AGBL1: variants seen among roughly 807,000 people sequenced by gnomAD.
The protein encoded by AGBL1 is cytosolic carboxypeptidase 4.
A neutral mutation model predicts 118.9 loss-of-function variants in AGBL1; 130 were observed. The observed-to-expected ratio is 1.09, with a 90% confidence interval of 0.95 to 1.26. The LOEUF (loss-of-function observed/expected upper bound fraction) is 1.26, where lower values mean the gene tolerates loss of function less well. Ranked by LOEUF, AGBL1 falls within the 50% of genes most tolerant of loss-of-function variation. The pLI is 0.00. For missense variants in AGBL1, 1,584 were observed against 1,298.1 expected, an observed-to-expected ratio of 1.22 and a Z score of -3.38; for synonymous variants, 555 against 478.9, an observed-to-expected ratio of 1.16 and a Z score of -2.08.
At chr15:86,651,709 G>A (rs2085373881) in intron 21 of AGBL1, among the ~76,000 whole-genome samples, 2 of 152,064 alleles carry the variant, frequency 1.3e-5, no homozygotes, top group Admixed American at 1.3e-4. Flanking sequence ...TCCATAGATT[G>A]CTAATAAGTT....
chr15:86,731,452 T>C (rs1017260494), intron 22 of AGBL1, among the ~76,000 whole-genome samples: 1 of 152,188 alleles, frequency 6.6e-6, no homozygotes, highest in African/African-American at 2.4e-5. Flanking sequence ...GCTTTTTATA[T>C]TGTCACCAAC....
At chr15:86,345,091 C>A (rs2080515868) in intron 17 of AGBL1, among the ~76,000 whole-genome samples, 1 of 152,100 alleles carries the variant, frequency 6.6e-6, no homozygotes, top group South Asian at 2.1e-4. Flanking sequence ...ACAAAGAAGA[C>A]AATAAACAAA....
chr15:86,819,689 A>G (rs1030406115), intron 22 of AGBL1, among the ~76,000 whole-genome samples: 1 of 152,138 alleles, frequency 6.6e-6, no homozygotes, highest in African/African-American at 2.4e-5. Context: ...GAGAGGCAGA[A>G]TCTACATTAT....
intron 23 of AGBL1, chr15:86,946,056 A>G (rs1019333606): frequency 6.6e-6 from 1 of 152,236 alleles, no homozygotes. Context: ...CCGAAGTCAA[A>G]CAGATATTTT....
In AGBL1 at chr15:86,909,475, T is replaced by G. The variant is rs796772702; in HGVS notation, c.*2181T>G. On this transcript the variant is annotated 3_prime_UTR_variant, in exon 23 of 23. Transcript: ENST00000614907. ...GGCATCTGTGTTGTGATTTTGGGAGTTGATAACATTATTAATAGTCTCTTA... is the reference window on the plus strand; with the variant it reads ...GGCATCTGTGTTGTGATTTTGGGAGGTGATAACATTATTAATAGTCTCTTA... 2 of 152,290 alleles carry G rather than the reference T, an allele frequency of 1.3e-5. No individual in the cohort carries two copies. Among genetic ancestry groups the G allele is most frequent in the East Asian group, 3.9e-4 (2 of 5,188 alleles). 9.4% of individuals were successfully genotyped at this position (152,290 alleles called of 1,614,324 possible).
chr15:86,153,038 T>C (rs917854142), intron 3 of AGBL1, among the ~76,000 whole-genome samples: 5 of 152,062 alleles, frequency 3.3e-5, no homozygotes, highest in Non-Finnish European at 5.9e-5. Flanking sequence ...TGTGGAGAAA[T>C]AGGAATGCTT....
intron 24 of AGBL1, among the ~76,000 whole-genome samples, chr15:86,992,073 T>C (rs1214585376): frequency 6.6e-6 from 1 of 152,114 alleles, no homozygotes; most frequent in Non-Finnish European, 1.5e-5. Context: ...GGCATCTGCT[T>C]GGCTTCTGGT....
intron 22 of AGBL1, among the ~76,000 whole-genome samples, chr15:86,764,519 G>C (rs2078069131): frequency 1.3e-5 from 2 of 151,970 alleles, no homozygotes; most frequent in Non-Finnish European, 2.9e-5. Flanking sequence ...ATTAACATAG[G>C]TTATATCTAT....
At chr15:86,473,429 A>G (rs899019751) in intron 18 of AGBL1, among the ~76,000 whole-genome samples, 1 of 152,360 alleles carries the variant, frequency 6.6e-6, no homozygotes, top group African/African-American at 2.4e-5. Context: ...GTAAAAAAGA[A>G]AAGCACAAAG....
chr15:86,546,469 TTA>T (rs2083584324), intron 20 of AGBL1, among the ~76,000 whole-genome samples: 1 of 152,156 alleles, frequency 6.6e-6, no homozygotes, highest in Non-Finnish European at 1.5e-5. Flanking sequence ...TATGAGGTCA[TTA>T]ACATTACCTC....
At chr15:86,264,882 G>C in intron 11 of AGBL1, 44 bp downstream of exon 11, 1 of 1,470,120 alleles carries the variant, frequency 6.8e-7, no homozygotes, top group Non-Finnish European at 9.2e-7. Flanking sequence ...TCTGTTCTTT[G>C]ATAATTTTAT....
At chr15:86,187,748 C>T (rs561282065) in intron 5 of AGBL1, among the ~76,000 whole-genome samples, 1 of 152,294 alleles carries the variant, frequency 6.6e-6, no homozygotes, top group East Asian at 1.9e-4. Flanking sequence ...CTATGACTTT[C>T]ACTGCTCAAC....
At chr15:87,024,478 G>A (rs1596753439) in intron 24 of AGBL1, among the ~76,000 whole-genome samples, 1 of 151,834 alleles carries the variant, frequency 6.6e-6, no homozygotes, top group South Asian at 2.1e-4. Context: ...AGATTGAAAT[G>A]GTAACGTAAA....
chr15:86,642,963 G>A (rs1390455880), intron 21 of AGBL1, among the ~76,000 whole-genome samples: 4 of 152,138 alleles, frequency 2.6e-5, no homozygotes, highest in Non-Finnish European at 5.9e-5. Flanking sequence ...AATAGGTAGA[G>A]CGAGTTTGGG....
chr15:86,907,902 C>G lies in AGBL1; in HGVS notation c.*608C>G. 1 of 152,084 alleles carries G rather than the reference C, an allele frequency of 6.6e-6. No homozygotes were observed. The highest frequency in any genetic ancestry group is 1.9e-4 in the East Asian group (1 of 5,196). The allele number at this position is 152,084 out of a possible 1,614,324, so 9.4% of individuals were successfully genotyped here. On this transcript the variant is annotated 3_prime_UTR_variant, in exon 23 of 23. Coordinates refer to ENST00000614907, the MANE Select transcript of AGBL1 (RefSeq NM_001386094.1). The stretch of plus-strand genomic sequence containing the variant: ...ATATATTTTACATATGTGGTACAGG[C>G]CAGAAGCTGCACTAGACTCTTAGAA...
rs544536935 is a variant in AGBL1 at position 86,352,594 on chromosome 15, G to T, written c.2375-44772G>T. On this transcript the variant is annotated intron_variant, in intron 17 of 22. Coordinates refer to ENST00000614907, the MANE Select transcript of AGBL1 (RefSeq NM_001386094.1). The stretch of plus-strand genomic sequence containing the variant: ...CCTCCCGGGTTAAAGCAATTCTCCT[G>T]CTGCAGTCTCCCGAGGGGCTGGGAT... Among the ~76,000 whole-genome samples, 76 of 151,900 alleles carry T rather than the reference G, an allele frequency of 5.0e-4. No individual in the cohort carries two copies. In the South Asian group the frequency reaches 0.015, roughly 29 times the overall value.
At chr15:86,391,422 A>T (rs555719448) in intron 17 of AGBL1, among the ~76,000 whole-genome samples, 1 of 149,636 alleles carries the variant, frequency 6.7e-6, no homozygotes, top group South Asian at 2.1e-4. Flanking sequence ...TTCCTTTTCC[A>T]CTCCTGTTTC....
Position 86,674,354 on chromosome 15 carries a change from G to T in AGBL1, c.3076G>T (p.Ala1026Ser). The change falls in exon 22 of 23, where the codon GCC becomes TCC. Residue 1026 changes from alanine to serine, a missense_variant. Physicochemically the swap from Ala to Ser is moderately conservative, Grantham distance 99. Coordinates refer to ENST00000614907, the MANE Select transcript of AGBL1 (RefSeq NM_001386094.1). ...CCTCCTCATCCTGGAGCTCAAATCTGCCAGCTGCAGCCATCAGCTCCTGGC... is the reference window on the plus strand; with the variant it reads ...CCTCCTCATCCTGGAGCTCAAATCTTCCAGCTGCAGCCATCAGCTCCTGGC... ...LGLLILELKS[A>S]SCSHQLLAQA... 1 of 1,612,584 alleles carries T rather than the reference G, an allele frequency of 6.2e-7. No individual in the cohort carries two copies. Among genetic ancestry groups the T allele is most frequent in the Non-Finnish European group, 8.5e-7 (1 of 1,179,368 alleles).
At chr15:86,539,261 G>A (rs893750913) in intron 19 of AGBL1, among the ~76,000 whole-genome samples, 4 of 152,166 alleles carry the variant, frequency 2.6e-5, no homozygotes, top group Non-Finnish European at 5.9e-5. Flanking sequence ...CACAATCATT[G>A]CCTGTTTACT....
Sources: gnomAD v4.1 joint callset for allele counts (sites outside exome capture counted in the v4.1 genomes callset) on GRCh38, gnomAD v4.1.1 for gene constraint, MANE v1.5 for transcripts, NCBI Gene and HGNC (gene_info 2026-07-23, HGNC 2026-07-21) for gene names.